Variants in NEK1 observed in about 807,000 individuals in gnomAD.
NEK1 encodes serine/threonine-protein kinase Nek1.
A neutral mutation model predicts 182.1 loss-of-function variants in NEK1; 137 were observed. The observed-to-expected ratio is 0.75, with a 90% CI of 0.65 to 0.87. NEK1 has a LOEUF of 0.87. NEK1 is among the 40% of genes least tolerant of loss of function. The pLI, the probability that NEK1 is intolerant of heterozygous loss-of-function variation, is 0.00. For missense variants in NEK1, 1,391 were observed against 1,494.4 expected, an observed-to-expected ratio of 0.93 and a Z score of 1.14; for synonymous variants, 513 against 492.2, an observed-to-expected ratio of 1.04 and a Z score of -0.56.
chr4:169,550,015 C>CA (rs1761176517), intron 18 of NEK1, among the ~76,000 whole-genome samples: 1 of 152,138 alleles, frequency 6.6e-6, no homozygotes, highest in Non-Finnish European at 1.5e-5. Flanking sequence ...AATTATTCCT[C>CA]ATAAAATTTT....
intron 35 of NEK1, among the ~76,000 whole-genome samples, chr4:169,397,624 TG>T (rs1345784042): frequency 1.3e-5 from 2 of 152,216 alleles, no homozygotes; most frequent in African/African-American, 4.8e-5. Context: ...TACAGAACTC[TG>T]GGGTTCTCTT....
At chr4:169,456,895 T>C (rs1021342157) in intron 27 of NEK1, among the ~76,000 whole-genome samples, 5 of 152,092 alleles carry the variant, frequency 3.3e-5, no homozygotes, top group Non-Finnish European at 5.9e-5. Context: ...AAGAATGAGA[T>C]CCTGTCAGTT....
At chr4:169,565,268 C>A (rs1280496867) in intron 12 of NEK1, among the ~76,000 whole-genome samples, 1 of 152,110 alleles carries the variant, frequency 6.6e-6, no homozygotes, top group African/African-American at 2.4e-5. Context: ...CATACACACC[C>A]CTAAGTTTCA....
intron 5 of NEK1, among the ~76,000 whole-genome samples, chr4:169,593,951 T>C (rs1014895112): frequency 4.7e-5 from 7 of 148,134 alleles, no homozygotes; most frequent in African/African-American, 1.8e-4. Flanking sequence ...ATCGCACCAC[T>C]GCACTCCTGT....
intron 27 of NEK1, among the ~76,000 whole-genome samples, chr4:169,446,782 G>A (rs1318152681): frequency 6.6e-6 from 1 of 152,152 alleles, no homozygotes; most frequent in Non-Finnish European, 1.5e-5. Context: ...GAATGCATAA[G>A]AGTCCTTTAA....
chr4:169,543,968 C>G (rs1418539926), intron 18 of NEK1, among the ~76,000 whole-genome samples: 1 of 152,138 alleles, frequency 6.6e-6, no homozygotes, highest in Non-Finnish European at 1.5e-5. Flanking sequence ...ATTGGAATAC[C>G]CTTTATTTCT....
chr4:169,426,091 T>C, intron 30 of NEK1, 55 bp downstream of exon 30: 1 of 1,297,352 alleles, frequency 7.7e-7, no homozygotes, highest in Non-Finnish European at 1.1e-6. Context: ...CAGGTTGATG[T>C]TAATAATCAT....
chr4:169,422,716 T>G (rs1735695838), intron 31 of NEK1, among the ~76,000 whole-genome samples: 1 of 152,230 alleles, frequency 6.6e-6, no homozygotes, highest in South Asian at 2.1e-4. Flanking sequence ...AAATCTGCAT[T>G]GCTGCTTCTA....
At chr4:169,428,779 C>T (rs1736886894) in intron 29 of NEK1, among the ~76,000 whole-genome samples, 1 of 152,044 alleles carries the variant, frequency 6.6e-6, no homozygotes, top group African/African-American at 2.4e-5. Flanking sequence ...ACTCGAATTC[C>T]AGTTGCCTTT....
intron 12 of NEK1, among the ~76,000 whole-genome samples, chr4:169,566,537 A>G (rs1337148902): frequency 5.9e-5 from 9 of 152,062 alleles, no homozygotes; most frequent in Admixed American, 5.2e-4. Context: ...GCTTTAACAG[A>G]GCCTTTAAAA....
intron 35 of NEK1, among the ~76,000 whole-genome samples, chr4:169,397,277 A>T (rs1171428292): frequency 6.6e-6 from 1 of 152,052 alleles, no homozygotes; most frequent in African/African-American, 2.4e-5. Flanking sequence ...AAGAACAGCT[A>T]TATATGGGCT....
chr4:169,401,510 T>A (rs551749609), intron 33 of NEK1, 142 bp downstream of exon 33: 133 of 522,854 alleles, frequency 2.5e-4, no homozygotes, highest in African/African-American at 2.3e-3. Context: ...AGAAAAAGAA[T>A]GAAAAAAGGG....
intron 7 of NEK1, 21 bp downstream of exon 7, chr4:169,589,426 A>G: frequency 7.3e-7 from 1 of 1,373,196 alleles, no homozygotes. Context: ...ATATCAAAAC[A>G]AAGTTTAAAA....
chr4:169,480,902 G>A (rs1245676089), intron 23 of NEK1, among the ~76,000 whole-genome samples: 3 of 152,166 alleles, frequency 2.0e-5, no homozygotes, highest in African/African-American at 7.2e-5. Flanking sequence ...TCTGCAGCAT[G>A]TGATGCTGTT....
intron 35 of NEK1, among the ~76,000 whole-genome samples, chr4:169,395,610 C>T (rs1220016005): frequency 6.6e-6 from 1 of 152,188 alleles, no homozygotes; most frequent in African/African-American, 2.4e-5. Flanking sequence ...ACACTTATCA[C>T]TGGACTATAA....
chr4:169,414,927 CA>C (rs1734279626), intron 31 of NEK1, among the ~76,000 whole-genome samples: 1 of 152,190 alleles, frequency 6.6e-6, no homozygotes, highest in Admixed American at 6.5e-5. Context: ...CCTACTTTAA[CA>C]AAAATAGCTG....
chr4:169,610,640 A>T (rs535628388), intron 2 of NEK1, among the ~76,000 whole-genome samples: 5 of 152,226 alleles, frequency 3.3e-5, no homozygotes, highest in African/African-American at 1.2e-4. Flanking sequence ...AGCCACAAAT[A>T]AGCAATTTTG....
intron 19 of NEK1, among the ~76,000 whole-genome samples, chr4:169,523,248 G>C (rs1377966223): frequency 6.6e-6 from 1 of 152,160 alleles, no homozygotes; most frequent in Non-Finnish European, 1.5e-5. Context: ...TTGCTATGTT[G>C]AACTGTGCCC....
intron 5 of NEK1, among the ~76,000 whole-genome samples, chr4:169,596,576 C>G (rs1769530209): frequency 6.6e-6 from 1 of 152,164 alleles, no homozygotes; most frequent in South Asian, 2.1e-4. Context: ...CTTAACCTGA[C>G]TAGATTTTTG....
Sources: allele counts gnomAD v4.1 joint callset (sites outside exome capture counted in the v4.1 genomes callset), GRCh38; gene constraint gnomAD v4.1.1; transcripts MANE v1.5; gene names NCBI Gene and HGNC (gene_info 2026-07-23, HGNC 2026-07-21).